The following MAGI3 variants were observed in gnomAD, a reference collection of about 807,000 sequenced individuals.
The protein encoded by MAGI3 is membrane associated guanylate kinase, WW and PDZ domain containing 3.
Under a neutral mutation model 121.8 loss-of-function variants are expected in MAGI3, and 43 were observed. That is an observed-to-expected ratio of 0.35 (90% confidence interval 0.28 to 0.46). The LOEUF (loss-of-function observed/expected upper bound fraction) is 0.46. Among genes scored for constraint, MAGI3 ranks in the 20% least tolerant of loss-of-function variants. MAGI3 has a pLI of 1.00. For missense variants in MAGI3, 1,547 were observed against 1,797.3 expected, an observed-to-expected ratio of 0.86 and a Z score of 2.52; for synonymous variants, 553 against 639.3, an observed-to-expected ratio of 0.86 and a Z score of 2.04.
chr1:113,682,619 G>C (rs1421530056), intron 20 of MAGI3: 2 of 983,112 alleles, frequency 2.0e-6, no homozygotes, highest in East Asian at 2.3e-4. Flanking sequence ...TTTACTAATA[G>C]AGAATTTACA....
At chr1:113,490,026 A>G (rs1464109638) in intron 1 of MAGI3, among the ~76,000 whole-genome samples, 1 of 152,188 alleles carries the variant, frequency 6.6e-6, no homozygotes, top group Non-Finnish European at 1.5e-5. Context: ...TTCAAATTCA[A>G]GGATTGCAGA....
At chr1:113,554,200 A>G (rs1659895116) in intron 2 of MAGI3, among the ~76,000 whole-genome samples, 1 of 152,278 alleles carries the variant, frequency 6.6e-6, no homozygotes, top group South Asian at 2.1e-4. Context: ...CTATACCAGG[A>G]GTTTTAGTTA....
rs1322850030 is a variant in MAGI3 at position 113,391,894 on chromosome 1, C to CT, written c.316+546dup. Among the ~76,000 whole-genome samples the CT allele has an allele frequency of 6.6e-6, 1 of 152,216 alleles. No homozygotes were observed. Among genetic ancestry groups the CT allele is most frequent in the Non-Finnish European group, 1.5e-5 (1 of 68,040 alleles). On this transcript the variant is annotated intron_variant, in intron 1 of 20. Transcript: ENST00000307546. The surrounding 1 kb of genome is among the most constrained non-coding windows in gnomAD (Gnocchi z 4.4). Reference sequence around the variant, plus strand: ...CTGTCAGTCCAGGTGGTTCAGGTGTCTGAGTACCGATGACGGTACAATATG... The same window carrying CT: ...CTGTCAGTCCAGGTGGTTCAGGTGTCTTGAGTACCGATGACGGTACAATATG...
intron 13 of MAGI3, among the ~76,000 whole-genome samples, chr1:113,650,279 G>A (rs751517007): frequency 6.7e-6 from 1 of 148,364 alleles, no homozygotes; most frequent in Non-Finnish European, 1.5e-5. Flanking sequence ...CTTGGTATTT[G>A]TATTTTTGTT....
chr1:113,471,705 C>T (rs1301714200), intron 1 of MAGI3, among the ~76,000 whole-genome samples: 1 of 152,076 alleles, frequency 6.6e-6, no homozygotes, highest in Non-Finnish European at 1.5e-5. Flanking sequence ...ATATGACTGG[C>T]AATACATTAG....
chr1:113,525,819 T>C (rs1045404343), intron 1 of MAGI3, among the ~76,000 whole-genome samples: 3 of 151,988 alleles, frequency 2.0e-5, no homozygotes, highest in African/African-American at 7.3e-5. Context: ...CTGGCCAACA[T>C]GGTGAAACCC....
At chr1:113,574,556 G>C (rs1647502481) in intron 2 of MAGI3, among the ~76,000 whole-genome samples, 1 of 152,184 alleles carries the variant, frequency 6.6e-6, no homozygotes, top group Non-Finnish European at 1.5e-5. Context: ...GCAGAGATCT[G>C]CTGTGAGTCT....
chr1:113,443,593 A>T (rs1654022020), intron 1 of MAGI3, among the ~76,000 whole-genome samples: 1 of 152,150 alleles, frequency 6.6e-6, no homozygotes, highest in Non-Finnish European at 1.5e-5. Context: ...TGTACCAATG[A>T]TTCGTTACTT....
intron 19 of MAGI3, among the ~76,000 whole-genome samples, chr1:113,675,178 G>A (rs1041892858): frequency 6.6e-6 from 1 of 152,218 alleles, no homozygotes; most frequent in Non-Finnish European, 1.5e-5. Flanking sequence ...TCTGTTAGTG[G>A]TGTGCAGGAA....
intron 2 of MAGI3, among the ~76,000 whole-genome samples, chr1:113,558,231 G>T (rs1660079493): frequency 6.6e-6 from 1 of 152,236 alleles, no homozygotes; most frequent in African/African-American, 2.4e-5. Flanking sequence ...AATGAGAGAA[G>T]TAGGCTTTAG....
intron 1 of MAGI3, among the ~76,000 whole-genome samples, chr1:113,432,006 T>G (rs185807344): frequency 9.6e-4 from 146 of 152,260 alleles, no homozygotes; most frequent in Non-Finnish European, 1.7e-3. Flanking sequence ...GATAGATAAA[T>G]AGACTAGTGA....
chr1:113,470,430 TCA>T (rs1237569426), intron 1 of MAGI3, among the ~76,000 whole-genome samples: 1 of 152,140 alleles, frequency 6.6e-6, no homozygotes, highest in African/African-American at 2.4e-5. Flanking sequence ...TTAGAAAACT[TCA>T]CAGTTACACA....
At chr1:113,442,562 T>C (rs1417822687) in intron 1 of MAGI3, among the ~76,000 whole-genome samples, 1 of 151,980 alleles carries the variant, frequency 6.6e-6, no homozygotes, top group East Asian at 1.9e-4. Context: ...TGTGTATATA[T>C]ATATGATCAT....
chr1:113,560,848 T>A (rs1304367624), intron 2 of MAGI3, among the ~76,000 whole-genome samples: 1 of 150,658 alleles, frequency 6.6e-6, no homozygotes, highest in Non-Finnish European at 1.5e-5. Context: ...TTGAAAAAAA[T>A]AATAAAATAG....
At chr1:113,517,181 T>C (rs1301274840) in intron 1 of MAGI3, among the ~76,000 whole-genome samples, 2 of 151,972 alleles carry the variant, frequency 1.3e-5, no homozygotes, top group Non-Finnish European at 2.9e-5. Context: ...TAGTCAATAA[T>C]GTATCAATAT....
At position 113,673,442 on chromosome 1, in the gene MAGI3, G is replaced by A. The variant is rs1264464549; in HGVS notation, c.3166G>A (p.Ala1056Thr). The change falls in exon 19 of 21, where the codon GCC becomes ACC. Residue 1056 changes from alanine (A) to threonine (T), a missense_variant. Physicochemically the swap from Ala to Thr is moderately conservative, Grantham distance 58. Transcript: ENST00000307546. ...FILRLAEDGPAIKDGRIHVGD... is the reference protein window; with the variant it reads ...FILRLAEDGPTIKDGRIHVGD... ...CCTTCGTCTTGCTGAAGATGGTCCTGCCATCAAAGATGGCAGAATTCATGT... is the reference window on the plus strand; with the variant it reads ...CCTTCGTCTTGCTGAAGATGGTCCTACCATCAAAGATGGCAGAATTCATGT... The A allele has an allele frequency of 1.2e-6, 2 of 1,612,794 alleles. No homozygotes were observed. Among genetic ancestry groups the A allele is most frequent in the Non-Finnish European group, 1.7e-6 (2 of 1,179,856 alleles).
chr1:113,590,766 T>C, intron 5 of MAGI3, 108 bp downstream of exon 5: 1 of 990,912 alleles, frequency 1.0e-6, no homozygotes, highest in Non-Finnish European at 1.4e-6. Flanking sequence ...AGACTCATTT[T>C]TTTTCTTTCT....
intron 2 of MAGI3, among the ~76,000 whole-genome samples, chr1:113,573,136 A>G (rs549621610): frequency 6.6e-6 from 1 of 152,244 alleles, no homozygotes; most frequent in South Asian, 2.1e-4. Context: ...CGTTTTAGCC[A>G]GGATGGTCTC....
chr1:113,681,134 AC>A, intron 19 of MAGI3, 63 bp from the exon 20 acceptor site: 1 of 1,575,066 alleles, frequency 6.3e-7, no homozygotes. Context: ...TCAAGAGCTG[AC>A]AAAAGCAGAA....
Sources: allele counts gnomAD v4.1 joint callset (sites outside exome capture counted in the v4.1 genomes callset), GRCh38; gene constraint gnomAD v4.1.1; non-coding constraint Gnocchi (gnomAD v3.1); transcripts MANE v1.5; gene names NCBI Gene and HGNC (gene_info 2026-07-23, HGNC 2026-07-21).